The following ACAA2 variants were observed in gnomAD, a reference collection of about 807,000 sequenced individuals.
ACAA2 encodes the protein 3-ketoacyl-CoA thiolase, mitochondrial.
In ACAA2, 35 loss-of-function variants were observed where a neutral mutation model predicts 44.8. The ratio of observed to expected loss-of-function variants is 0.78; its 90% confidence interval spans 0.60 to 1.04. The LOEUF is 1.04. Among genes scored for constraint, ACAA2 ranks in the 50% least tolerant of loss-of-function variants. The pLI, the probability that ACAA2 is intolerant of heterozygous loss-of-function variation, is 0.00. For synonymous variants in ACAA2, 142 were observed against 166.5 expected (o/e 0.85, Z 1.13); for missense variants, 468 against 482.6 (o/e 0.97, Z 0.28).
Position 49,787,370 on chromosome 18 carries a change from TAATA to T in ACAA2, c.884-13_884-10del. 7.2e-7 allele frequency: 1 copy of T among 1,392,754 alleles called. No homozygotes were observed. Among genetic ancestry groups the T allele is most frequent in the Non-Finnish European group, 9.4e-7 (1 of 1,067,880 alleles). 86.3% of individuals were successfully genotyped at this position (1,392,754 alleles called of 1,614,324 possible). On this transcript the variant is annotated splice_polypyrimidine_tract_variant and intron_variant, in intron 7 of 9. Coordinates refer to ENST00000285093, the MANE Select transcript of ACAA2 (RefSeq NM_006111.3). ...GATAGCAGGGACAGGACCTATATAA[TAATA>T]AAAATCTTCTATAAAAATATAGAAA...
chr18:49,783,827 C>G lies in ACAA2; in HGVS notation c.*20G>C. 2 of 1,607,900 alleles carry G rather than the reference C, an allele frequency of 1.2e-6. No homozygotes were observed. Among genetic ancestry groups the G allele is most frequent in the East Asian group, 2.2e-5 (1 of 44,832 alleles). On this transcript the variant is annotated 3_prime_UTR_variant, in exon 10 of 10. Coordinates refer to ENST00000285093, the MANE Select transcript of ACAA2 (RefSeq NM_006111.3). ...GGCCAAGTAGAGTAAGGATGGGTCA[C>G]AGTGAGCTCACTGGTCTCTTCAGGC...
intron 4 of ACAA2, among the ~76,000 whole-genome samples, chr18:49,795,393 TA>T (rs1269594137): frequency 6.6e-6 from 1 of 152,216 alleles, no homozygotes; most frequent in African/African-American, 2.4e-5. Flanking sequence ...TAAGTCACGT[TA>T]AAGATTTAAT....
At position 49,794,264 on chromosome 18, in the gene ACAA2, T is replaced by G; in HGVS notation, c.577+16A>C. On this transcript the variant is annotated intron_variant, in intron 5 of 9. Coordinates refer to ENST00000285093, the MANE Select transcript of ACAA2 (RefSeq NM_006111.3). The stretch of plus-strand genomic sequence containing the variant: ...TATTTATTCTATAGATACTGATACT[T>G]TCCAGTTTCACTCACCAGCTTTCCA... The G allele has an allele frequency of 6.3e-7, 1 of 1,586,858 alleles. No individual in the cohort carries two copies. The highest frequency in any genetic ancestry group is 1.2e-5 in the South Asian group (1 of 86,226).
chr18:49,794,011 C>G (rs2023436177), intron 5 of ACAA2, among the ~76,000 whole-genome samples: 1 of 152,172 alleles, frequency 6.6e-6, no homozygotes. Flanking sequence ...ACAACAGGAC[C>G]AGTTCAGCAC....
chr18:49,802,604 C>A, intron 2 of ACAA2, 83 bp downstream of exon 2: 1 of 1,217,522 alleles, frequency 8.2e-7, no homozygotes, highest in Non-Finnish European at 1.1e-6. Flanking sequence ...AACTTGTTTA[C>A]CATTATGATA....
rs1040522039 is a variant in ACAA2 at position 49,789,185 on chromosome 18, G to GT, written c.884-1825dup. On this transcript the variant is annotated intron_variant, in intron 7 of 9. Coordinates refer to ENST00000285093, the MANE Select transcript of ACAA2 (RefSeq NM_006111.3). ...TTCTTTTCAAGTCATGGCTTTCCCCGTTTTTTTTTGGTCTGCAGCTATTCT... is the reference window on the plus strand; with the variant it reads ...TTCTTTTCAAGTCATGGCTTTCCCCGTTTTTTTTTTGGTCTGCAGCTATTCT... Among the ~76,000 whole-genome samples, 22 of 151,472 alleles carry GT rather than the reference G, an allele frequency of 1.5e-4. 1 individual carries two copies. The highest frequency in any genetic ancestry group is 1.0e-3 in the South Asian group (5 of 4,800).
At chr18:49,812,709 T>A (rs1001462401) in intron 1 of ACAA2, 25 of 152,306 alleles carry the variant, frequency 1.6e-4, no homozygotes, top group African/African-American at 5.8e-4. Flanking sequence ...CCACTGAATT[T>A]GGAACAAAAC....
intron 1 of ACAA2, among the ~76,000 whole-genome samples, chr18:49,807,216 G>A (rs184482898): frequency 1.9e-4 from 29 of 152,228 alleles, no homozygotes; most frequent in African/African-American, 2.6e-4. Context: ...GCAACATAGC[G>A]AGATCCCCAT....
chr18:49,802,885 C>T lies in ACAA2; in HGVS notation c.17-32G>A, dbSNP rs760162397. 9.9e-6 allele frequency: 16 copies of T among 1,612,270 alleles called. No homozygotes were observed. The East Asian group carries it at 2.9e-4, about 29-fold the overall frequency. On this transcript the variant is annotated intron_variant, in intron 1 of 9. Transcript: ENST00000285093. Reference sequence around the variant, plus strand: ...CAACAAGAAGAGATTTGTAAGCCATCACAGGTTAGTAAATACCTCTAAATG... The same window carrying T: ...CAACAAGAAGAGATTTGTAAGCCATTACAGGTTAGTAAATACCTCTAAATG...
chr18:49,802,376 A>C lies in ACAA2; in HGVS notation c.183+311T>G, dbSNP rs9959984. ...CAAGAGATCGAGACCATCCTGGCCA[A>C]TGTGGTAAAACCCTGTCTCTATTAA... On this transcript the variant is annotated intron_variant, in intron 2 of 9. Coordinates refer to ENST00000285093, the MANE Select transcript of ACAA2 (RefSeq NM_006111.3). Among the ~76,000 whole-genome samples, 956 of 152,132 alleles carry C rather than the reference A, an allele frequency of 6.3e-3. 18 individuals are homozygous for C. The highest frequency in any genetic ancestry group is 0.022 in the African/African-American group (919 of 41,512).
intron 1 of ACAA2, chr18:49,811,458 G>C (rs953848307): frequency 6.6e-6 from 1 of 152,100 alleles, no homozygotes. Flanking sequence ...ATGATCTGTC[G>C]AGCGAAAACC....
At chr18:49,802,329 C>T (rs1190355956) in intron 2 of ACAA2, among the ~76,000 whole-genome samples, 11 of 151,762 alleles carry the variant, frequency 7.2e-5, no homozygotes, top group African/African-American at 2.4e-4. Flanking sequence ...TTTGGGGGGC[C>T]GAGACAGGAG....
At chr18:49,793,169 A>C (rs1423356792) in intron 5 of ACAA2, among the ~76,000 whole-genome samples, 1 of 152,228 alleles carries the variant, frequency 6.6e-6, no homozygotes, top group Non-Finnish European at 1.5e-5. Context: ...CAACCTGAAG[A>C]AATTATGGGA....
chr18:49,792,348 T>C, intron 5 of ACAA2, 21 bp from the exon 6 acceptor site: 1 of 1,580,596 alleles, frequency 6.3e-7, no homozygotes, highest in Non-Finnish European at 8.7e-7. Context: ...GTAGAGAGAC[T>C]ATCATAAGAA....
rs1211369399 is a variant in ACAA2 at position 49,783,483 on chromosome 18, A to G, written c.*364T>C. The G allele has an allele frequency of 5.9e-6, 1 of 169,774 alleles. No homozygotes were observed. The highest frequency in any genetic ancestry group is 2.4e-5 in the African/African-American group (1 of 42,194). 10.5% of individuals were successfully genotyped at this position (169,774 alleles called of 1,614,324 possible). On this transcript the variant is annotated 3_prime_UTR_variant, in exon 10 of 10. Transcript: ENST00000285093. ...CACAATTTAAAATTTTTAAAAATATAAATGACAGGAAAATATTAACTGAAG... is the reference window on the plus strand; with the variant it reads ...CACAATTTAAAATTTTTAAAAATATGAATGACAGGAAAATATTAACTGAAG...
At chr18:49,784,319 CTTTGATTTATATA>C (rs1377952457) in intron 9 of ACAA2, among the ~76,000 whole-genome samples, 2 of 152,038 alleles carry the variant, frequency 1.3e-5, no homozygotes, top group Non-Finnish European at 1.5e-5. Flanking sequence ...CATTAAGCTC[CTTTGATTTATATA>C]TTTGATTTAT....
chr18:49,788,346 T>A (rs1198100962), intron 7 of ACAA2, among the ~76,000 whole-genome samples: 1 of 152,214 alleles, frequency 6.6e-6, no homozygotes, highest in Non-Finnish European at 1.5e-5. Context: ...TTTTACCTTA[T>A]AAAATGGAAA....
chr18:49,800,507 T>A (rs1277714392), intron 2 of ACAA2, among the ~76,000 whole-genome samples: 1 of 152,118 alleles, frequency 6.6e-6, no homozygotes, highest in African/African-American at 2.4e-5. Context: ...CGTGTCTGTG[T>A]GGAAAGAAGT....
At chr18:49,804,862 C>T (rs1207103379) in intron 1 of ACAA2, among the ~76,000 whole-genome samples, 1 of 152,186 alleles carries the variant, frequency 6.6e-6, no homozygotes, top group African/African-American at 2.4e-5. Context: ...GGTACCCACT[C>T]ATCATCATTA....
Sources: gnomAD v4.1 joint callset for allele counts (sites outside exome capture counted in the v4.1 genomes callset) on GRCh38, gnomAD v4.1.1 for gene constraint, MANE v1.5 for transcripts, NCBI Gene and HGNC (gene_info 2026-07-23, HGNC 2026-07-21) for gene names.